LACC1: variants seen among roughly 807,000 people sequenced by gnomAD.
LACC1 encodes purine nucleoside phosphorylase LACC1.
A neutral mutation model predicts 34.8 loss-of-function variants in LACC1; 25 were observed. That is an observed-to-expected ratio of 0.72 (90% CI 0.52 to 1.00). The LOEUF is 1.00. Among genes scored for constraint, LACC1 ranks in the 50% least tolerant of loss-of-function variants. The pLI is 0.00. For synonymous variants in LACC1, 162 were observed against 168.0 expected (o/e 0.96, Z 0.28); for missense variants, 426 against 511.2 (o/e 0.83, Z 1.61).
Position 43,881,134 on chromosome 13 carries a change from T to A in LACC1, c.149T>A (p.Ile50Asn), listed in dbSNP as rs888412209. 6.2e-7 allele frequency: 1 copy of A among 1,614,034 alleles called. No homozygotes were observed. The highest frequency in any genetic ancestry group is 8.5e-7 in the Non-Finnish European group (1 of 1,180,032). The change falls in exon 2 of 7, where the codon ATC becomes AAC. Residue 50 changes from isoleucine (I) to asparagine (N), a missense_variant. Transcript: ENST00000325686. ...KFLCIMCCSNISYERDGEQDN... is the reference protein window; with the variant it reads ...KFLCIMCCSNNSYERDGEQDN... ...CTCTGTATAATGTGTTGCAGTAACA[T>A]CAGCTATGAAAGGGATGGAGAACAA... is the stretch of plus-strand genomic sequence containing the variant.
intron 1 of LACC1, 42 bp from the exon 2 acceptor site, chr13:43,880,910 A>T (rs914179676): frequency 1.6e-6 from 2 of 1,257,022 alleles, no homozygotes; most frequent in African/African-American, 3.0e-5. Context: ...TAACTATAAG[A>T]TTTATATAAT....
intron 6 of LACC1, among the ~76,000 whole-genome samples, chr13:43,891,213 T>C (rs1434088332): frequency 6.6e-6 from 1 of 152,198 alleles, no homozygotes; most frequent in African/African-American, 2.4e-5. Context: ...TTATTAGAGA[T>C]GGTTTTGTTG....
At chr13:43,886,451 T>C (rs1955330052) in intron 4 of LACC1, among the ~76,000 whole-genome samples, 1 of 152,152 alleles carries the variant, frequency 6.6e-6, no homozygotes, top group African/African-American at 2.4e-5. Context: ...ATCATATCCT[T>C]ACAGCAACAT....
chr13:43,889,896 T>C, intron 5 of LACC1: 1 of 457,786 alleles, frequency 2.2e-6, no homozygotes, highest in Non-Finnish European at 3.8e-6. Flanking sequence ...ATATGGAAGG[T>C]TGTACTGTGC....
chr13:43,889,068 TAAG>T, intron 5 of LACC1, 86 bp downstream of exon 5: 5 of 1,102,188 alleles, frequency 4.5e-6, no homozygotes, highest in Non-Finnish European at 6.8e-6. Flanking sequence ...TTAATAACTC[TAAG>T]AAGAATTTAG....
intron 4 of LACC1, among the ~76,000 whole-genome samples, chr13:43,886,845 C>A (rs1955355398): frequency 6.6e-6 from 1 of 151,966 alleles, no homozygotes; most frequent in Non-Finnish European, 1.5e-5. Context: ...GAATAAAATT[C>A]TTCTATGGGA....
In LACC1 at chr13:43,890,195, T is replaced by C; in HGVS notation, c.1215T>C (p.His405=). 1 of 1,613,646 alleles carries C rather than the reference T, an allele frequency of 6.2e-7. No individual in the cohort carries two copies. ...NQDLNLCTSC[H]PDKFFSHVRD... ...ATCTCAACCTCTGTACATCTTGCCATCCTGACAAGTTTTTCTCCCATGTCC... is the reference window on the plus strand; with the variant it reads ...ATCTCAACCTCTGTACATCTTGCCACCCTGACAAGTTTTTCTCCCATGTCC... The change falls in exon 6 of 7, where the codon CAT becomes CAC. Residue 405 remains histidine, a synonymous_variant. Coordinates refer to ENST00000325686, the MANE Select transcript of LACC1 (RefSeq NM_153218.4).
Position 43,888,931 on chromosome 13 carries a change from T to C in LACC1, c.1082T>C (p.Val361Ala). Reference protein sequence around the residue: ...EAFHNLHPACVQLFDSPNPCI... With the variant: ...EAFHNLHPACAQLFDSPNPCI... ...TTTCATAATCTTCATCCTGCATGTG[T>C]ACAACTATTTGATTCACCAAATCCC... is the stretch of plus-strand genomic sequence containing the variant. Residue 361 changes from valine to alanine, a missense_variant, in exon 5 of 7, where the codon GTA becomes GCA. Val to Ala is a moderately conservative substitution (Grantham distance 64). This residue lies in a region of LACC1 where 209 missense variants were observed against 300.3 expected (regional missense o/e 0.70). Coordinates refer to ENST00000325686, the MANE Select transcript of LACC1 (RefSeq NM_153218.4). 2 of 1,613,914 alleles carry C rather than the reference T, an allele frequency of 1.2e-6. No homozygotes were observed. The highest frequency in any genetic ancestry group is 1.7e-6 in the Non-Finnish European group (2 of 1,179,836).
chr13:43,881,419 A>G lies in LACC1; in HGVS notation c.434A>G (p.Gln145Arg), dbSNP rs372659884. 1 of 1,614,132 alleles carries G rather than the reference A, an allele frequency of 6.2e-7. No homozygotes were observed. The highest frequency in any genetic ancestry group is 1.3e-5 in the African/African-American group (1 of 75,058). Reference protein sequence around the residue: ...QVTFRGGLFKQSIEINVITAQ... With the variant: ...QVTFRGGLFKRSIEINVITAQ... ...ACTTTTAGGGGAGGGCTTTTTAAACAGTCCATTGAAATAAACGTAATCACA... is the reference window on the plus strand; with the variant it reads ...ACTTTTAGGGGAGGGCTTTTTAAACGGTCCATTGAAATAAACGTAATCACA... Residue 145 changes from glutamine to arginine, a missense_variant, in exon 2 of 7, where the codon CAG (glutamine) becomes CGG (arginine). By Grantham distance (43) the Gln-to-Arg change is conservative. Coordinates refer to ENST00000325686, the MANE Select transcript of LACC1 (RefSeq NM_153218.4).
chr13:43,890,068 TG>T (rs749960626), intron 5 of LACC1, 45 bp from the exon 6 acceptor site: 21 of 1,530,694 alleles, frequency 1.4e-5, no homozygotes, highest in Non-Finnish European at 1.9e-5. Context: ...CTTTGGCTAT[TG>T]GGAAAATAAA....
intron 6 of LACC1, among the ~76,000 whole-genome samples, chr13:43,891,060 G>A (rs1955550631): frequency 6.6e-6 from 1 of 152,190 alleles, no homozygotes; most frequent in Non-Finnish European, 1.5e-5. Context: ...AGGAGTTTGA[G>A]TACAGCATGG....
At chr13:43,889,168 C>T (rs1184827248) in intron 5 of LACC1, among the ~76,000 whole-genome samples, 186 bp downstream of exon 5, 3 of 152,118 alleles carry the variant, frequency 2.0e-5, no homozygotes, top group Admixed American at 6.6e-5. Flanking sequence ...GTTTGAATAA[C>T]AGAAATTTTC....
chr13:43,880,502 T>C (rs983900513), intron 1 of LACC1, among the ~76,000 whole-genome samples: 4 of 152,224 alleles, frequency 2.6e-5, no homozygotes, highest in Non-Finnish European at 4.4e-5. Context: ...GCTTTTATCA[T>C]CTTAAAACGC....
chr13:43,885,803 T>C (rs1315283966), intron 4 of LACC1, among the ~76,000 whole-genome samples: 2 of 151,924 alleles, frequency 1.3e-5, no homozygotes, highest in Non-Finnish European at 2.9e-5. Context: ...AAAGAAACTA[T>C]CAACAGAGTA....
chr13:43,885,339 T>C (rs1032783817), intron 4 of LACC1, among the ~76,000 whole-genome samples: 3 of 152,110 alleles, frequency 2.0e-5, no homozygotes, highest in African/African-American at 7.2e-5. Context: ...AGGAGTCATA[T>C]TGCCTCCCTT....
rs1955511919 is a variant in LACC1 at position 43,890,163 on chromosome 13, A to G, written c.1183A>G (p.Asn395Asp). The G allele has an allele frequency of 1.2e-6, 2 of 1,613,656 alleles. No individual in the cohort carries two copies. The highest frequency in any genetic ancestry group is 1.7e-6 in the Non-Finnish European group (2 of 1,179,724). Reference sequence around the variant, plus strand: ...TCTTCCACAGAATATTCAGGACCAGAACCAAGATCTCAACCTCTGTACATC... The same window carrying G: ...TCTTCCACAGAATATTCAGGACCAGGACCAAGATCTCAACCTCTGTACATC... ...GILPQNIQDQ[N>D]QDLNLCTSCH... is the part of the protein sequence containing the mutation. The change falls in exon 6 of 7, where the codon AAC becomes GAC. Residue 395 changes from asparagine (N) to aspartate (D), a missense_variant. Asn to Asp is a conservative substitution (Grantham distance 23, BLOSUM62 1). Transcript: ENST00000325686.
In LACC1 at chr13:43,882,327, T is replaced by C; in HGVS notation, c.705T>C (p.Ala235=). ...AAAATCTGCGTAGGTTGGCGAATGC[T>C]GCAGGATTTAATGTGGAGAAATTTT... ...VQENLRRLAN[A]AGFNVEKFYR... The change falls in exon 3 of 7, where the codon GCT becomes GCC. Residue 235 remains alanine, a synonymous_variant. Transcript: ENST00000325686. 2 of 1,613,020 alleles carry C rather than the reference T, an allele frequency of 1.2e-6. No individual in the cohort carries two copies. Among genetic ancestry groups the C allele is most frequent in the Non-Finnish European group, 1.7e-6 (2 of 1,179,694 alleles).
intron 1 of LACC1, 65 bp from the exon 2 acceptor site, chr13:43,880,887 C>T: frequency 9.2e-7 from 1 of 1,089,526 alleles, no homozygotes; most frequent in South Asian, 1.7e-5. Flanking sequence ...TAATCTACCA[C>T]AAATTTCTGT....
intron 2 of LACC1, among the ~76,000 whole-genome samples, chr13:43,881,941 G>A (rs1955084708): frequency 6.6e-6 from 1 of 152,156 alleles, no homozygotes; most frequent in African/African-American, 2.4e-5. Flanking sequence ...TTTTCTGTGA[G>A]CTATATGCTA....
Sources: gnomAD v4.1 joint callset for allele counts (sites outside exome capture counted in the v4.1 genomes callset) on GRCh38, gnomAD v4.1.1 for gene constraint, gnomAD v4.1.1 regional missense constraint, MANE v1.5 for transcripts, NCBI Gene and HGNC (gene_info 2026-07-23, HGNC 2026-07-21) for gene names.